Variants in RASGEF1A observed in about 807,000 individuals in gnomAD.
The protein encoded by RASGEF1A is RasGEF domain family member 1A.
Under a neutral mutation model 56.4 loss-of-function variants are expected in RASGEF1A, and 18 were observed. That is an observed-to-expected ratio of 0.32 (90% CI 0.22 to 0.47). The LOEUF (loss-of-function observed/expected upper bound fraction) is 0.47, where lower values mean the gene tolerates loss of function less well. RASGEF1A is among the 20% of genes least tolerant of loss of function. The pLI is 1.00. For synonymous variants in RASGEF1A, 245 were observed against 242.6 expected (o/e 1.01, Z -0.09); for missense variants, 422 against 627.1 (o/e 0.67, Z 3.49).
In RASGEF1A at chr10:43,208,343, G is replaced by A. The variant is rs554669310; in HGVS notation, c.-6-2221C>T. The A allele has an allele frequency of 3.2e-5, 32 of 986,014 alleles. No homozygotes were observed. The East Asian group carries it at 2.5e-3, about 77-fold the overall frequency. The allele number at this position is 986,014 out of a possible 1,614,324, so 61.1% of individuals were successfully genotyped here. The stretch of plus-strand genomic sequence containing the variant: ...ACACCCCACAAACTCAGCCCCAGCC[G>A]ATCCCCCACAGGGCAAGGCCACTCC... On this transcript the variant is annotated intron_variant, in intron 1 of 12. Transcript: ENST00000395810.
chr10:43,238,297 A>G (rs1016874528), intron 1 of RASGEF1A, among the ~76,000 whole-genome samples: 2 of 152,076 alleles, frequency 1.3e-5, no homozygotes, highest in African/African-American at 2.4e-5. Context: ...TGTATCGCAG[A>G]TTGAGACCTG....
chr10:43,197,240 T>C, intron 10 of RASGEF1A, 141 bp from the exon 11 acceptor site: 1 of 1,008,920 alleles, frequency 9.9e-7, no homozygotes, highest in Non-Finnish European at 1.5e-6. Context: ...CCCTGCACGC[T>C]GACCCCGTGG....
intron 1 of RASGEF1A, chr10:43,208,715 A>G: frequency 1.0e-6 from 1 of 985,234 alleles, no homozygotes; most frequent in East Asian, 1.1e-4. Flanking sequence ...ACAAACCAAG[A>G]CCCTGCAGGT....
chr10:43,249,104 AG>A (rs1480197299), intron 1 of RASGEF1A, among the ~76,000 whole-genome samples: 1 of 152,208 alleles, frequency 6.6e-6, no homozygotes, highest in African/African-American at 2.4e-5. Context: ...CAGGCAACAG[AG>A]GAAAGCATAA....
intron 1 of RASGEF1A, among the ~76,000 whole-genome samples, chr10:43,211,165 C>T (rs1840064299): frequency 6.6e-6 from 1 of 152,210 alleles, no homozygotes; most frequent in Non-Finnish European, 1.5e-5. Context: ...CGCCTCACTC[C>T]CTTCTCACCT....
chr10:43,201,655 G>T (rs1031843033), intron 4 of RASGEF1A, among the ~76,000 whole-genome samples, 153 bp downstream of exon 4: 24 of 152,196 alleles, frequency 1.6e-4, no homozygotes, highest in African/African-American at 5.8e-4. Flanking sequence ...TCATCTGGGG[G>T]AAGGGAGGTT....
intron 1 of RASGEF1A, among the ~76,000 whole-genome samples, chr10:43,252,449 G>GC (rs1377764327): frequency 6.6e-6 from 1 of 152,036 alleles, no homozygotes; most frequent in South Asian, 2.1e-4. Context: ...TGCGGGACAG[G>GC]CCGGGGCTCG....
rs1440605795 is a variant in RASGEF1A, at chr10:43,203,294, T to C, written c.321+4A>G. The C allele has an allele frequency of 3.2e-6, 5 of 1,546,308 alleles. No individual in the cohort carries two copies. The highest frequency in any genetic ancestry group is 4.4e-6 in the Non-Finnish European group (5 of 1,145,210). ...GCCCGTGCCCCAGCCAGGCCCCGCCTCACCTTTTCAGGCCCGGCTTCCAGC... is the reference window on the plus strand; with the variant it reads ...GCCCGTGCCCCAGCCAGGCCCCGCCCCACCTTTTCAGGCCCGGCTTCCAGC... On this transcript the variant is annotated splice_donor_region_variant and intron_variant, in intron 3 of 12. Coordinates refer to ENST00000395810, the MANE Select transcript of RASGEF1A (RefSeq NM_145313.4).
At chr10:43,264,077 G>C (rs530725006) in intron 1 of RASGEF1A, among the ~76,000 whole-genome samples, 1 of 152,052 alleles carries the variant, frequency 6.6e-6, no homozygotes, top group African/African-American at 2.4e-5. Flanking sequence ...CCAGGACCCC[G>C]AGGGGCTTTC....
chr10:43,208,383 G>C (rs1840025125), intron 1 of RASGEF1A: 1 of 985,688 alleles, frequency 1.0e-6, no homozygotes, highest in South Asian at 4.7e-5. Flanking sequence ...CCAGCCTGCA[G>C]AGAGACCTGC....
chr10:43,259,813 G>A (rs1836494289), intron 1 of RASGEF1A, among the ~76,000 whole-genome samples: 1 of 152,084 alleles, frequency 6.6e-6, no homozygotes, highest in Non-Finnish European at 1.5e-5. Flanking sequence ...CCATCCAGCT[G>A]AGCCCCAAGG....
chr10:43,197,792 G>A (rs149853221), intron 10 of RASGEF1A, among the ~76,000 whole-genome samples: 40 of 152,292 alleles, frequency 2.6e-4, no homozygotes, highest in African/African-American at 7.7e-4. Flanking sequence ...CTGCAACTAG[G>A]CCATCCACCC....
intron 1 of RASGEF1A, among the ~76,000 whole-genome samples, chr10:43,266,427 T>C (rs1241198268): frequency 9.2e-5 from 14 of 151,754 alleles, no homozygotes; most frequent in Admixed American, 8.5e-4. Context: ...AATGGAAACT[T>C]CCAACTGCGC....
intron 1 of RASGEF1A, among the ~76,000 whole-genome samples, chr10:43,247,588 T>C (rs895713812): frequency 6.6e-6 from 1 of 152,178 alleles, no homozygotes; most frequent in African/African-American, 2.4e-5. Flanking sequence ...AATACCAACA[T>C]GCTACAACAC....
chr10:43,242,637 A>T (rs1436050240), intron 1 of RASGEF1A, among the ~76,000 whole-genome samples: 1 of 151,342 alleles, frequency 6.6e-6, no homozygotes, highest in Non-Finnish European at 1.5e-5. Flanking sequence ...GGCTCCGGTG[A>T]TTCTCCTGCC....
intron 1 of RASGEF1A, among the ~76,000 whole-genome samples, chr10:43,266,568 C>T (rs1447241322): frequency 6.6e-6 from 1 of 150,556 alleles, no homozygotes. Flanking sequence ...GCCCGGCCCG[C>T]CAGGTGCCCT....
intron 3 of RASGEF1A, among the ~76,000 whole-genome samples, chr10:43,202,938 G>C (rs1839928263): frequency 1.0e-5 from 1 of 97,174 alleles, no homozygotes; most frequent in African/African-American, 4.1e-5. Context: ...CCTAACCCTA[G>C]CACTGACCCT....
intron 1 of RASGEF1A, among the ~76,000 whole-genome samples, chr10:43,252,362 G>A (rs1564543528): frequency 6.6e-6 from 1 of 152,224 alleles, no homozygotes; most frequent in Non-Finnish European, 1.5e-5. Context: ...GGTGGGCAGG[G>A]GAACCAGGCC....
At chr10:43,259,754 G>C (rs941374132) in intron 1 of RASGEF1A, among the ~76,000 whole-genome samples, 2 of 152,192 alleles carry the variant, frequency 1.3e-5, no homozygotes, top group African/African-American at 4.8e-5. Context: ...ATAGGCCAGA[G>C]GAGGGGGGCG....
Sources: gnomAD v4.1 joint callset for allele counts (sites outside exome capture counted in the v4.1 genomes callset) on GRCh38, gnomAD v4.1.1 for gene constraint, MANE v1.5 for transcripts, NCBI Gene and HGNC (gene_info 2026-07-23, HGNC 2026-07-21) for gene names.